Variants in SEC14L1 observed in about 807,000 individuals in gnomAD.
The protein encoded by SEC14L1 is SEC14-like protein 1.
Under a neutral mutation model 85.3 loss-of-function variants are expected in SEC14L1, and 48 were observed. The observed-to-expected ratio is 0.56, with a 90% confidence interval of 0.45 to 0.72. The LOEUF is 0.72. Among genes scored for constraint, SEC14L1 ranks in the 30% least tolerant of loss-of-function variants. The probability of loss-of-function intolerance (pLI) is 0.00; values close to 1 mark genes in which losing one functional copy is unlikely to be tolerated. For missense variants in SEC14L1, 682 were observed against 921.4 expected, an observed-to-expected ratio of 0.74 and a Z score of 3.36; for synonymous variants, 391 against 355.5, an observed-to-expected ratio of 1.10 and a Z score of -1.12.
chr17:77,216,482 C>T lies in SEC14L1; in HGVS notation c.*2459C>T. 1.2e-6 allele frequency: 2 copies of T among 1,612,482 alleles called. No individual in the cohort carries two copies. Among genetic ancestry groups the T allele is most frequent in the Non-Finnish European group, 1.7e-6 (2 of 1,179,008 alleles). On this transcript the variant is annotated 3_prime_UTR_variant, in exon 17 of 17. Transcript: ENST00000436233. ...TCTGTGCTGCTTCCACCTGGTGCTTCCTGTTCCCAAATCACAAGGGCCTGA... is the reference window on the plus strand; with the variant it reads ...TCTGTGCTGCTTCCACCTGGTGCTTTCTGTTCCCAAATCACAAGGGCCTGA...
At position 77,213,438 on chromosome 17, in the gene SEC14L1, C is replaced by T. The variant is rs770426103; in HGVS notation, c.1988C>T (p.Ser663Leu). 5.0e-6 allele frequency: 8 copies of T among 1,612,966 alleles called. No homozygotes were observed. Among genetic ancestry groups the T allele is most frequent in the South Asian group, 1.1e-5 (1 of 91,088 alleles). Residue 663 changes from serine to leucine, a missense_variant, in exon 16 of 17, where the codon TCG (serine) becomes TTG (leucine). Physicochemically the swap from Ser to Leu is moderately radical, Grantham distance 145. Around this residue, in one of 3 missense-constraint regions of SEC14L1, gnomAD observed 420 missense variants for 619.5 expected, o/e 0.68. Transcript: ENST00000436233. This position sits in a 1 kb window ranked among gnomAD's most constrained non-coding sequence, Gnocchi z 7.1. ...GTGCTTGCGTCCCTGCAGGTCTCTT[C>T]GCACAAGTGTAAAGTGATGTACTAC... ...DDVLASLQVS[S>L]HKCKVMYYTE...
chr17:77,153,411 G>A (rs189678795), intron 3 of SEC14L1, among the ~76,000 whole-genome samples: 2 of 152,282 alleles, frequency 1.3e-5, no homozygotes, highest in African/African-American at 4.8e-5. Flanking sequence ...GAAACTAATA[G>A]TTAAAACCAG....
intron 10 of SEC14L1, among the ~76,000 whole-genome samples, chr17:77,204,096 C>T (rs1976329454): frequency 6.6e-6 from 1 of 152,182 alleles, no homozygotes; most frequent in Non-Finnish European, 1.5e-5. Context: ...ACTGCTGCCG[C>T]CATTGGCAGC....
Position 77,140,982 on chromosome 17 carries a change from CCCCCTCCCCGGA to C in SEC14L1, c.-260_-249del, listed in dbSNP as rs1972981860. The C allele has an allele frequency of 6.6e-6, 1 of 151,136 alleles. No homozygotes were observed. Among genetic ancestry groups the C allele is most frequent in the Non-Finnish European group, 1.5e-5 (1 of 67,762 alleles). The allele number at this position is 151,136 out of a possible 1,614,324, so 9.4% of individuals were successfully genotyped here. ...CCCCTTCCCCCTCCCGCCTCCCCGG[CCCCCTCCCCGGA>C]ACCGGCGGTCGAGCTACGGTCGCGG... On this transcript the variant is annotated 5_prime_UTR_variant, in exon 1 of 17. Coordinates refer to ENST00000436233, the MANE Select transcript of SEC14L1 (RefSeq NM_001143998.2).
chr17:77,130,189 G>A (rs1007066667), intron 3 of SEC14L1: 2 of 152,138 alleles, frequency 1.3e-5, no homozygotes, highest in African/African-American at 2.4e-5. Flanking sequence ...CTGGTGACAC[G>A]AGGTACAGTG....
At chr17:77,178,065 C>CTT (rs1353798812) in intron 3 of SEC14L1, among the ~76,000 whole-genome samples, 1 of 136,442 alleles carries the variant, frequency 7.3e-6, no homozygotes. Flanking sequence ...TCCCCCCCCC[C>CTT]TTTTTTTTTT....
chr17:77,172,349 G>C (rs1974555390), intron 3 of SEC14L1, among the ~76,000 whole-genome samples: 1 of 152,014 alleles, frequency 6.6e-6, no homozygotes. Flanking sequence ...TTTTTAAAGT[G>C]GCCTATTTTT....
intron 3 of SEC14L1, among the ~76,000 whole-genome samples, chr17:77,096,564 A>G (rs1004142627): frequency 4.6e-5 from 7 of 151,856 alleles, no homozygotes; most frequent in Middle Eastern, 3.4e-3. Context: ...CAAAAAAAAA[A>G]AGTCACCGTG....
intron 1 of SEC14L1, among the ~76,000 whole-genome samples, chr17:77,141,913 C>T (rs1178421193): frequency 6.6e-6 from 1 of 152,164 alleles, no homozygotes; most frequent in Non-Finnish European, 1.5e-5. Flanking sequence ...TCCCACTGTG[C>T]ACCAACACTG....
chr17:77,107,130 T>C (rs1302021889), intron 3 of SEC14L1, among the ~76,000 whole-genome samples: 1 of 152,232 alleles, frequency 6.6e-6, no homozygotes, highest in Non-Finnish European at 1.5e-5. Context: ...GGGGAGAATC[T>C]AATTTATTCA....
At chr17:77,128,460 G>GTTT (rs777310932) in intron 3 of SEC14L1, among the ~76,000 whole-genome samples, 1 of 104,616 alleles carries the variant, frequency 9.6e-6, no homozygotes, top group Non-Finnish European at 2.0e-5. Context: ...ATTTTATTAT[G>GTTT]TTTTTTTTTT....
chr17:77,197,588 A>G (rs979492611), intron 8 of SEC14L1, among the ~76,000 whole-genome samples: 12 of 151,956 alleles, frequency 7.9e-5, no homozygotes, highest in South Asian at 4.2e-4. Flanking sequence ...ACGTAGACAC[A>G]TGGTAGTTCT....
intron 3 of SEC14L1, among the ~76,000 whole-genome samples, chr17:77,119,944 G>A (rs1972257049): frequency 6.6e-6 from 1 of 152,188 alleles, no homozygotes. Context: ...CATTCCCCAG[G>A]CTGCCCTGAC....
chr17:77,200,469 T>A lies in SEC14L1; in HGVS notation c.820-15T>A. On this transcript the variant is annotated splice_polypyrimidine_tract_variant and intron_variant, in intron 8 of 16. Transcript: ENST00000436233. The stretch of plus-strand genomic sequence containing the variant: ...ACTTTTAACATTGCTTAGAAATGTC[T>A]TTTTCTCTTAATAGATTCCAAAAGA... The A allele has an allele frequency of 6.2e-7, 1 of 1,608,426 alleles. No individual in the cohort carries two copies. Among genetic ancestry groups the A allele is most frequent in the Non-Finnish European group, 8.5e-7 (1 of 1,176,484 alleles).
chr17:77,205,262 C>T lies in SEC14L1; in HGVS notation c.1099-14C>T. 6.2e-7 allele frequency: 1 copy of T among 1,611,896 alleles called. No homozygotes were observed. Reference sequence around the variant, plus strand: ...AACTAATCATGGTAAATTTTCATGCCCTTTTGTATGTAGGTTCTCTCCATA... The same window carrying T: ...AACTAATCATGGTAAATTTTCATGCTCTTTTGTATGTAGGTTCTCTCCATA... On this transcript the variant is annotated splice_polypyrimidine_tract_variant and intron_variant, in intron 10 of 16. Transcript: ENST00000436233.
At chr17:77,194,651 A>C (rs1975710238) in intron 6 of SEC14L1, 26 bp from the exon 7 acceptor site, 3 of 1,558,314 alleles carry the variant, frequency 1.9e-6, no homozygotes, top group Non-Finnish European at 2.7e-6. Flanking sequence ...ATATATACTC[A>C]CCTTTAAATT....
At chr17:77,161,245 G>A (rs1165034912) in intron 3 of SEC14L1, among the ~76,000 whole-genome samples, 2 of 152,226 alleles carry the variant, frequency 1.3e-5, no homozygotes, top group Non-Finnish European at 2.9e-5. Context: ...CCAGTCCTTT[G>A]GGAGGCCAAG....
At chr17:77,197,106 A>G (rs2143070201) in intron 8 of SEC14L1, among the ~76,000 whole-genome samples, 1 of 152,338 alleles carries the variant, frequency 6.6e-6, no homozygotes. Flanking sequence ...TCCAGAACCT[A>G]CATTCTTAAC....
chr17:77,206,856 G>A lies in SEC14L1; in HGVS notation c.1470G>A (p.Glu490=), dbSNP rs752171936. The A allele has an allele frequency of 6.2e-7, 1 of 1,602,664 alleles. No homozygotes were observed. Among genetic ancestry groups the A allele is most frequent in the Non-Finnish European group, 8.5e-7 (1 of 1,175,318 alleles). Residue 490 remains glutamate (E), a synonymous_variant, in exon 13 of 17, where the codon GAG becomes GAA. Transcript: ENST00000436233. This position sits in a 1 kb window ranked among gnomAD's most constrained non-coding sequence, Gnocchi z 4.3. Reference sequence around the variant, plus strand: ...TTATTCCAGATTTCCTGAGTGGGGAGTGCATGGTATGTCCTGAGGCGAGGA... The same window carrying A: ...TTATTCCAGATTTCCTGAGTGGGGAATGCATGGTATGTCCTGAGGCGAGGA... ...KEIIPDFLSG[E]CMCEVPEGGL...
Sources: allele counts gnomAD v4.1 joint callset (sites outside exome capture counted in the v4.1 genomes callset), GRCh38; gene constraint gnomAD v4.1.1; regional missense constraint gnomAD v4.1.1; non-coding constraint Gnocchi (gnomAD v3.1); transcripts MANE v1.5; gene names NCBI Gene and HGNC (gene_info 2026-07-23, HGNC 2026-07-21).